Variants in SLC9A7 observed in about 807,000 individuals in gnomAD.
The protein encoded by SLC9A7 is solute carrier family 9 member A7.
Under a neutral mutation model 52.6 loss-of-function variants are expected in SLC9A7, and 19 were observed. The observed-to-expected ratio is 0.36, with a 90% CI of 0.25 to 0.53. SLC9A7 has a LOEUF of 0.53. Ranked by LOEUF, SLC9A7 falls within the 20% of genes least tolerant of loss-of-function variation. SLC9A7 has a pLI of 0.91. For synonymous variants in SLC9A7, 226 were observed against 252.1 expected, an observed-to-expected ratio of 0.90 and a Z score of 0.98; for missense variants, 455 against 597.9, an observed-to-expected ratio of 0.76 and a Z score of 2.49.
intron 1 of SLC9A7, among the ~76,000 whole-genome samples, chrX:46,704,341 T>C (rs950222195): frequency 1.8e-5 from 2 of 112,621 alleles, no homozygotes; most frequent in South Asian, 3.6e-4. Context: ...AAAACTGTAA[T>C]CTGAGCACAA....
intron 12 of SLC9A7, among the ~76,000 whole-genome samples, chrX:46,641,921 T>C (rs1296128224): frequency 1.8e-5 from 2 of 112,213 alleles, no homozygotes; most frequent in Non-Finnish European, 3.8e-5. Context: ...ATATGTATGG[T>C]ATCTGGAACA....
At chrX:46,607,729 C>A (rs1942773791) in intron 16 of SLC9A7, among the ~76,000 whole-genome samples, 1 of 111,279 alleles carries the variant, frequency 9.0e-6, no homozygotes, top group African/African-American at 3.3e-5. Flanking sequence ...CACAGGAAAA[C>A]CCTGATAGGA....
chrX:46,669,691 T>C lies in SLC9A7; in HGVS notation c.709A>G (p.Met237Val). The change falls in exon 5 of 17, where the codon ATG (methionine) becomes GTG (valine). Residue 237 changes from methionine to valine, a missense_variant. Coordinates refer to ENST00000616978, the MANE Select transcript of SLC9A7 (RefSeq NM_001257291.2). ...GNLMYGVVKL[M>V]KIMGQLSDKF... is the part of the protein sequence containing the mutation. ...TCTGAGAGCTGTCCCATAATCTTCA[T>C]GAGCTTCACCACACCATACATGAGA... is the stretch of plus-strand genomic sequence containing the variant. 8.5e-7 allele frequency: 1 copy of C among 1,174,003 alleles called. No homozygotes were observed. The highest frequency in any genetic ancestry group is 1.2e-6 in the Non-Finnish European group (1 of 868,430).
rs991373735 is a variant in SLC9A7, at chrX:46,679,621, A to C, written c.603+57T>G. 3 of 896,723 alleles carry C rather than the reference A, an allele frequency of 3.3e-6. No individual in the cohort carries two copies. The Admixed American group carries it at 8.2e-5, about 25-fold the overall frequency. The allele number at this position is 896,723 out of a possible 1,213,427, so 73.9% of individuals were successfully genotyped here. ...AAGAAAAATAACTAGAAAATTATGCAGGTAAATTAACACAGAGATTCACAT... is the reference window on the plus strand; with the variant it reads ...AAGAAAAATAACTAGAAAATTATGCCGGTAAATTAACACAGAGATTCACAT... On this transcript the variant is annotated intron_variant, in intron 3 of 16. Transcript: ENST00000616978.
At chrX:46,681,230 G>A (rs1033791665) in intron 2 of SLC9A7, among the ~76,000 whole-genome samples, 1 of 112,198 alleles carries the variant, frequency 8.9e-6, no homozygotes, top group Non-Finnish European at 1.9e-5. Flanking sequence ...CTTCTATTAT[G>A]ACCTGAAAGA....
intron 1 of SLC9A7, chrX:46,725,493 A>G: frequency 3.0e-6 from 3 of 1,011,100 alleles, no homozygotes; most frequent in Non-Finnish European, 4.2e-6. Flanking sequence ...TCCCAGTTTC[A>G]TAGCATCAAC....
intron 14 of SLC9A7, among the ~76,000 whole-genome samples, chrX:46,625,726 A>AG (rs1434272334): frequency 1.8e-5 from 2 of 109,373 alleles, no homozygotes; most frequent in African/African-American, 6.7e-5. Context: ...AAAAAAAAAA[A>AG]AAAAAAAAGG....
rs768576830 is a variant in SLC9A7 at position 46,606,991 on chromosome X, C to T, written c.2142G>A (p.Arg714=). ...LGMGDQKVSS[R]GTRLVFPLED... ...CCAGGGGAAACACTAGGCGGGTGCC[C>T]CGGCTCGAAACCTTCTGGTCTCCCA... is the stretch of plus-strand genomic sequence containing the variant. Residue 714 remains arginine (R), a synonymous_variant, in exon 17 of 17, where the codon CGG becomes CGA. Transcript: ENST00000616978. 8.3e-7 allele frequency: 1 copy of T among 1,211,243 alleles called. No individual in the cohort carries two copies. Among genetic ancestry groups the T allele is most frequent in the East Asian group, 3.0e-5 (1 of 33,807 alleles).
chrX:46,675,061 ATGTGTGTGTGTGTGTGTGTGTGTGTGTG>A (rs397895552), intron 3 of SLC9A7, among the ~76,000 whole-genome samples: 24 of 68,866 alleles, frequency 3.5e-4, no homozygotes, highest in African/African-American at 9.6e-4. Flanking sequence ...GAGAGAGTGA[ATGTGTGTGTGTGTGTGTGTGTGTGTGTG>A]TGTGTGTGTG....
intron 16 of SLC9A7, among the ~76,000 whole-genome samples, chrX:46,607,937 T>C (rs945166426): frequency 5.3e-5 from 6 of 112,528 alleles, no homozygotes; most frequent in Non-Finnish European, 9.4e-5. Flanking sequence ...TGAGGCCTAT[T>C]GAGTACTGTG....
chrX:46,616,832 T>C (rs1394710155), intron 15 of SLC9A7, among the ~76,000 whole-genome samples: 1 of 111,886 alleles, frequency 8.9e-6, no homozygotes, highest in Non-Finnish European at 1.9e-5. Flanking sequence ...TGATTCTTGC[T>C]TTTTGGAGGT....
chrX:46,673,746 G>A (rs1002594678), intron 3 of SLC9A7, among the ~76,000 whole-genome samples: 4 of 111,609 alleles, frequency 3.6e-5, no homozygotes, highest in East Asian at 2.8e-4. Context: ...GGCTGCAGGC[G>A]TCCTCTGGTC....
intron 3 of SLC9A7, among the ~76,000 whole-genome samples, chrX:46,678,452 T>TTTATTTA (rs1569516206): frequency 2.7e-3 from 13 of 4,901 alleles, no homozygotes; most frequent in African/African-American, 6.7e-3. Flanking sequence ...TTATTTATTT[T>TTTATTTA]TAGAGACCGG....
chrX:46,697,415 G>A (rs1944464470), intron 1 of SLC9A7, among the ~76,000 whole-genome samples: 2 of 112,186 alleles, frequency 1.8e-5, no homozygotes, highest in South Asian at 3.8e-4. Context: ...GGGACCAGCT[G>A]AAGCCACGGC....
chrX:46,722,115 G>C (rs994476121), intron 1 of SLC9A7, among the ~76,000 whole-genome samples: 2 of 111,274 alleles, frequency 1.8e-5, no homozygotes, highest in South Asian at 7.5e-4. Flanking sequence ...GTGTGTGTAA[G>C]GGCGAGTAGT....
chrX:46,728,106 G>A lies in SLC9A7; in HGVS notation c.325+30599C>T, dbSNP rs766452711. Among the ~76,000 whole-genome samples the A allele has an allele frequency of 1.3e-3, 149 of 111,640 alleles. 2 individuals carry two copies. Among genetic ancestry groups the A allele is most frequent in the African/African-American group, 4.7e-3 (145 of 30,786 alleles). ...ACAAAATAGTTAACCTATTAAGAATGTATTAAGATAAACACAAAAAGCACA... is the reference window on the plus strand; with the variant it reads ...ACAAAATAGTTAACCTATTAAGAATATATTAAGATAAACACAAAAAGCACA... On this transcript the variant is annotated intron_variant, in intron 1 of 16. Coordinates refer to ENST00000616978, the MANE Select transcript of SLC9A7 (RefSeq NM_001257291.2).
chrX:46,746,190 G>C (rs1262828723), intron 1 of SLC9A7, among the ~76,000 whole-genome samples: 4 of 110,193 alleles, frequency 3.6e-5, no homozygotes. Flanking sequence ...TTAGTTGGGC[G>C]TGGTGGTGGG....
intron 12 of SLC9A7, among the ~76,000 whole-genome samples, chrX:46,639,831 TAAAGA>T (rs1943379144): frequency 9.7e-6 from 1 of 103,541 alleles, no homozygotes; most frequent in Non-Finnish European, 2.0e-5. Context: ...CTTTCAGAAC[TAAAGA>T]ACTAGTAAGT....
intron 10 of SLC9A7, among the ~76,000 whole-genome samples, chrX:46,650,040 C>T (rs767191202): frequency 8.9e-6 from 1 of 112,582 alleles, no homozygotes; most frequent in South Asian, 3.6e-4. Context: ...AAGAAATGAG[C>T]CACTGGTTTA....
Sources: allele counts gnomAD v4.1 joint callset (sites outside exome capture counted in the v4.1 genomes callset), GRCh38; gene constraint gnomAD v4.1.1; transcripts MANE v1.5; gene names NCBI Gene and HGNC (gene_info 2026-07-23, HGNC 2026-07-21).